HIPK3: variants seen among roughly 807,000 people sequenced by gnomAD.
The protein encoded by HIPK3 is homeodomain-interacting protein kinase 3.
HIPK3 carries 47 observed loss-of-function variants against 124.2 expected under a neutral mutation model. That is an observed-to-expected ratio of 0.38 (90% CI 0.30 to 0.48). The LOEUF (loss-of-function observed/expected upper bound fraction) is 0.48. Among genes scored for constraint, HIPK3 ranks in the 20% least tolerant of loss-of-function variants. The probability of loss-of-function intolerance (pLI) is 0.98; values close to 1 mark genes in which losing one functional copy is unlikely to be tolerated. For missense variants in HIPK3, 1,286 were observed against 1,454.3 expected, an observed-to-expected ratio of 0.88 and a Z score of 1.88; for synonymous variants, 482 against 515.2, an observed-to-expected ratio of 0.94 and a Z score of 0.87.
At chr11:33,262,442 A>G in intron 1 of HIPK3, among the ~76,000 whole-genome samples, 1 of 152,238 alleles carries the variant, frequency 6.6e-6, no homozygotes, top group East Asian at 1.9e-4. Flanking sequence ...TACTTGGAAC[A>G]TATGTTACTA....
At chr11:33,290,319 A>T (rs2133907558) in intron 2 of HIPK3, among the ~76,000 whole-genome samples, 1 of 152,268 alleles carries the variant, frequency 6.6e-6, no homozygotes, top group East Asian at 1.9e-4. Context: ...TGCTCCGCAA[A>T]AGATTTTTTT....
At chr11:33,307,652 C>T (rs1007525320) in intron 2 of HIPK3, among the ~76,000 whole-genome samples, 4 of 151,614 alleles carry the variant, frequency 2.6e-5, no homozygotes, top group Admixed American at 6.6e-5. Context: ...ATGATCCGCC[C>T]GCCTCGGCCT....
intron 15 of HIPK3, 87 bp downstream of exon 15, chr11:33,351,930 C>G: frequency 8.4e-7 from 1 of 1,195,612 alleles, no homozygotes; most frequent in Non-Finnish European, 1.2e-6. Context: ...CCAAAGTCAT[C>G]TCTGAATTTT....
intron 4 of HIPK3, among the ~76,000 whole-genome samples, chr11:33,338,339 T>C (rs1037039079): frequency 2.0e-4 from 31 of 152,196 alleles, no homozygotes; most frequent in African/African-American, 7.2e-4. Flanking sequence ...GTTCAAGTGA[T>C]TCTCCTGCCT....
At chr11:33,304,232 C>T (rs565002418) in intron 2 of HIPK3, among the ~76,000 whole-genome samples, 7 of 152,314 alleles carry the variant, frequency 4.6e-5, no homozygotes, top group African/African-American at 1.7e-4. Flanking sequence ...AGCCACTGCA[C>T]CTGGCCAATT....
intron 1 of HIPK3, among the ~76,000 whole-genome samples, chr11:33,266,668 C>T (rs529239181): frequency 2.2e-4 from 34 of 152,180 alleles, no homozygotes; most frequent in Non-Finnish European, 2.8e-4. Flanking sequence ...ACCATGATTG[C>T]GCCACTGCAC....
rs1019533331 is a variant in HIPK3, at chr11:33,258,743, A to G, written c.-3+854A>G. The stretch of plus-strand genomic sequence containing the variant: ...TTCCCGTCTCATCTCTGCTTGAGGA[A>G]TTGCGCTGAAGAGTGTGTGCGTAAA... On this transcript the variant is annotated intron_variant, in intron 1 of 16. Transcript: ENST00000303296. The G allele has an allele frequency of 1.2e-5, 12 of 984,664 alleles. No individual in the cohort carries two copies. In the Admixed American group the frequency reaches 6.2e-4, roughly 51 times the overall value. The allele number at this position is 984,664 out of a possible 1,614,324, so 61.0% of individuals were successfully genotyped here. A position where few individuals can be genotyped will look rare whatever the true frequency, so the allele number is the denominator to read the frequency against.
At chr11:33,258,020 T>G in intron 1 of HIPK3, 131 bp downstream of exon 1, 1 of 759,102 alleles carries the variant, frequency 1.3e-6, no homozygotes, top group Non-Finnish European at 1.6e-6. Flanking sequence ...CCCGCACTCA[T>G]TGCGCGTCCC....
intron 2 of HIPK3, among the ~76,000 whole-genome samples, chr11:33,326,279 T>A (rs887627279): frequency 2.0e-5 from 3 of 152,186 alleles, no homozygotes; most frequent in Admixed American, 2.0e-4. Context: ...GGGTTTCTGA[T>A]TTAATTGGTG....
At chr11:33,324,019 G>T (rs914644342) in intron 2 of HIPK3, among the ~76,000 whole-genome samples, 1 of 152,186 alleles carries the variant, frequency 6.6e-6, no homozygotes, top group Non-Finnish European at 1.5e-5. Flanking sequence ...ATGCCCAGAG[G>T]ATAAGAGTTA....
chr11:33,340,469 A>G (rs987143494), intron 6 of HIPK3, among the ~76,000 whole-genome samples: 1 of 152,248 alleles, frequency 6.6e-6, no homozygotes, highest in Non-Finnish European at 1.5e-5. Context: ...GTATTTAAAA[A>G]GACAAAATGA....
intron 1 of HIPK3, among the ~76,000 whole-genome samples, chr11:33,272,321 C>T (rs955782170): frequency 6.6e-6 from 1 of 151,814 alleles, no homozygotes; most frequent in Non-Finnish European, 1.5e-5. Flanking sequence ...ATCGCTTGAA[C>T]ATGGGTGGTG....
intron 2 of HIPK3, among the ~76,000 whole-genome samples, chr11:33,294,262 A>G (rs1172641020): frequency 2.0e-5 from 3 of 147,520 alleles, no homozygotes; most frequent in African/African-American, 7.6e-5. Flanking sequence ...ATTATCTTCA[A>G]CATACAAAAT....
chr11:33,351,695 A>G lies in HIPK3; in HGVS notation c.2895A>G (p.Ala965=), dbSNP rs1278709381. The change falls in exon 15 of 17, where the codon GCA becomes GCG. Residue 965 remains alanine, a synonymous_variant. Transcript: ENST00000303296. ...CTTCCGGGCATGACAGTCCATTTGCAGAGAGCACTTTTGTGGAGGACACTC... is the reference window on the plus strand; with the variant it reads ...CTTCCGGGCATGACAGTCCATTTGCGGAGAGCACTTTTGTGGAGGACACTC... The part of the protein sequence containing the change: ...SDSSGHDSPF[A]ESTFVEDTHE... 1 of 1,614,096 alleles carries G rather than the reference A, an allele frequency of 6.2e-7. No homozygotes were observed. Among genetic ancestry groups the G allele is most frequent in the African/African-American group, 1.3e-5 (1 of 74,934 alleles).
Position 33,353,448 on chromosome 11 carries a change from A to T in HIPK3, c.3528A>T (p.Pro1176=). 1.2e-6 allele frequency: 2 copies of T among 1,613,796 alleles called. No homozygotes were observed. The highest frequency in any genetic ancestry group is 1.7e-6 in the Non-Finnish European group (2 of 1,179,752). ...TAAATCCCCGTCTGTTACCATCCCC[A>T]ACCATTCATCAGACTCAGTACAAAC... ...VGLNPRLLPS[P]TIHQTQYKPI... is the part of the protein sequence containing the mutation. Residue 1176 remains proline (P), a synonymous_variant, in exon 17 of 17, where the codon CCA becomes CCT. Coordinates refer to ENST00000303296, the MANE Select transcript of HIPK3 (RefSeq NM_005734.5).
At chr11:33,314,199 A>T (rs1337550130) in intron 2 of HIPK3, among the ~76,000 whole-genome samples, 1 of 152,184 alleles carries the variant, frequency 6.6e-6, no homozygotes, top group Non-Finnish European at 1.5e-5. Context: ...TGTCACTCAG[A>T]CTGCATAGGT....
At chr11:33,267,314 T>C (rs1415463204) in intron 1 of HIPK3, among the ~76,000 whole-genome samples, 1 of 151,638 alleles carries the variant, frequency 6.6e-6, no homozygotes, top group Non-Finnish European at 1.5e-5. Context: ...GGTTTCACCA[T>C]GTTGGTCAGG....
At chr11:33,328,676 G>T (rs779322523) in intron 3 of HIPK3, 43 bp downstream of exon 3, 3 of 1,579,726 alleles carry the variant, frequency 1.9e-6, no homozygotes, top group East Asian at 2.3e-5. Flanking sequence ...AAAAAGTAAA[G>T]AATAATAACA....
intron 8 of HIPK3, among the ~76,000 whole-genome samples, chr11:33,345,216 T>TTA (rs1393450372): frequency 2.6e-5 from 4 of 152,108 alleles, no homozygotes; most frequent in Admixed American, 2.6e-4. Flanking sequence ...TCTGAGTGTT[T>TTA]TATATATTAA....
Sources: gnomAD v4.1 joint callset for allele counts (sites outside exome capture counted in the v4.1 genomes callset) on GRCh38, gnomAD v4.1.1 for gene constraint, MANE v1.5 for transcripts, NCBI Gene and HGNC (gene_info 2026-07-23, HGNC 2026-07-21) for gene names.